The following TGFBR1 variants were observed in gnomAD, a reference collection of about 807,000 sequenced individuals.
The protein encoded by TGFBR1 is TGF-beta receptor type-1.
A neutral mutation model predicts 55.1 loss-of-function variants in TGFBR1; 20 were observed. The observed-to-expected ratio is 0.36, with a 90% CI of 0.26 to 0.53. TGFBR1 has a LOEUF of 0.53. Ranked by LOEUF, TGFBR1 falls within the 20% of genes least tolerant of loss-of-function variation. The pLI, the probability that TGFBR1 is intolerant of heterozygous loss-of-function variation, is 0.91. For missense variants in TGFBR1, 385 were observed against 617.6 expected (o/e 0.62, Z 3.99); for synonymous variants, 220 against 214.8 (o/e 1.02, Z -0.21).
chr9:99,148,021 G>A lies in TGFBR1; in HGVS notation c.1386+237G>A, dbSNP rs190340063. On this transcript the variant is annotated intron_variant, in intron 8 of 8. Transcript: ENST00000374994. ...TATCAGAACATAGTTTAGATCTGCC[G>A]GGCGAACTAAGGCACATATTTTTAA... 2.4e-4 allele frequency among the ~76,000 whole-genome samples: 36 copies of A among 152,234 alleles called. No individual in the cohort carries two copies. In the East Asian group the frequency reaches 5.6e-3, roughly 24 times the overall value.
In TGFBR1 at chr9:99,152,704, T is replaced by TTCTG. The variant is rs1828012468; in HGVS notation, c.*3400_*3403dup. Reference sequence around the variant, plus strand: ...CAACTGTTTCTTGACCATGGCAGTGTTCTGGCTCCAAATGGTAGTGATTCC... The same window carrying TTCTG: ...CAACTGTTTCTTGACCATGGCAGTGTTCTGTCTGGCTCCAAATGGTAGTGATTCC... On this transcript the variant is annotated 3_prime_UTR_variant, in exon 9 of 9. Coordinates refer to ENST00000374994, the MANE Select transcript of TGFBR1 (RefSeq NM_004612.4). The TTCTG allele has an allele frequency of 4.4e-6, 1 of 226,424 alleles. No individual in the cohort carries two copies. The highest frequency in any genetic ancestry group is 8.8e-6 in the Non-Finnish European group (1 of 113,908). The allele number at this position is 226,424 out of a possible 1,614,324, so 14.0% of individuals were successfully genotyped here.
In TGFBR1 at chr9:99,142,517, T is replaced by C; in HGVS notation, c.806-19T>C. 1.2e-6 allele frequency: 2 copies of C among 1,613,870 alleles called. No homozygotes were observed. Among genetic ancestry groups the C allele is most frequent in the Non-Finnish European group, 1.7e-6 (2 of 1,179,844 alleles). Reference sequence around the variant, plus strand: ...TAAATGGTCTGCAGCCCAACCGAAATGTTAATTCTGTTTTACAGACAATGG... The same window carrying C: ...TAAATGGTCTGCAGCCCAACCGAAACGTTAATTCTGTTTTACAGACAATGG... On this transcript the variant is annotated intron_variant, in intron 4 of 8. Transcript: ENST00000374994.
intron 1 of TGFBR1, among the ~76,000 whole-genome samples, chr9:99,124,599 AAAACTC>A (rs1312775189): frequency 6.6e-6 from 1 of 152,208 alleles, no homozygotes; most frequent in Non-Finnish European, 1.5e-5. Flanking sequence ...AATGGCAATT[AAAACTC>A]ATGTTCATGG....
At chr9:99,128,777 G>A in intron 1 of TGFBR1, 78 bp from the exon 2 acceptor site, 3 of 1,552,590 alleles carry the variant, frequency 1.9e-6, no homozygotes, top group South Asian at 2.2e-5. Flanking sequence ...GATCAAGAAT[G>A]TATTATTAGA....
intron 1 of TGFBR1, among the ~76,000 whole-genome samples, chr9:99,128,502 A>G (rs554006628): frequency 6.7e-6 from 1 of 149,828 alleles, no homozygotes; most frequent in Admixed American, 6.6e-5. Flanking sequence ...AAAAAAAAGT[A>G]TAACCATTAC....
chr9:99,130,495 A>T lies in TGFBR1; in HGVS notation c.343+1395A>T, dbSNP rs577647923. Among the ~76,000 whole-genome samples the T allele has an allele frequency of 6.0e-4, 92 of 152,392 alleles. 3 individuals carry two copies. The South Asian group carries it at 0.018, about 29-fold the overall frequency. ...ATATCTTTGTGACTTTGATGAAAGC[A>T]TCTGCAGTTATAATGTGGCAAAGAA... On this transcript the variant is annotated intron_variant, in intron 2 of 8. Transcript: ENST00000374994.
chr9:99,125,760 T>A (rs906644244), intron 1 of TGFBR1, among the ~76,000 whole-genome samples: 1 of 152,236 alleles, frequency 6.6e-6, no homozygotes, highest in African/African-American at 2.4e-5. Context: ...TGTTTATCCT[T>A]GTTTTTAGAT....
At chr9:99,118,444 T>G (rs1282953410) in intron 1 of TGFBR1, among the ~76,000 whole-genome samples, 1 of 152,216 alleles carries the variant, frequency 6.6e-6, no homozygotes, top group Non-Finnish European at 1.5e-5. Flanking sequence ...CCTACTTTTA[T>G]GCCTTTTATT....
At position 99,150,312 on chromosome 9, in the gene TGFBR1, A is replaced by G. The variant is rs1461192727; in HGVS notation, c.*1007A>G. 2.5e-5 allele frequency: 5 copies of G among 198,658 alleles called. No individual in the cohort carries two copies. Among genetic ancestry groups the G allele is most frequent in the African/African-American group, 1.2e-4 (5 of 43,426 alleles). The allele number at this position is 198,658 out of a possible 1,614,324, so 12.3% of individuals were successfully genotyped here. ...CTTATAGTACTTTAATATTTGTAGC[A>G]TACAGACTAATTTTTCTAAAAGGGA... On this transcript the variant is annotated 3_prime_UTR_variant, in exon 9 of 9. Transcript: ENST00000374994.
rs1358177031 is a variant in TGFBR1 at position 99,105,148 on chromosome 9, G to A, written c.-58G>A. On this transcript the variant is annotated 5_prime_UTR_variant, in exon 1 of 9. Transcript: ENST00000374994. ...GAGGTGGGGCGAGGCGAGGTTTGCT[G>A]GGGTGAGGCAGCGGCGCGGCCGGGC... The A allele has an allele frequency of 3.7e-6, 4 of 1,079,376 alleles. No homozygotes were observed. Among genetic ancestry groups the A allele is most frequent in the Non-Finnish European group, 3.4e-6 (3 of 889,210 alleles). The allele number at this position is 1,079,376 out of a possible 1,614,324, so 66.9% of individuals were successfully genotyped here. A position where few individuals can be genotyped will look rare whatever the true frequency, so the allele number is the denominator to read the frequency against.
intron 4 of TGFBR1, among the ~76,000 whole-genome samples, chr9:99,140,315 C>T (rs1488460190): frequency 6.6e-6 from 1 of 152,072 alleles, no homozygotes; most frequent in South Asian, 2.1e-4. Context: ...ATTAGCCAGG[C>T]ATGATGGCAG....
chr9:99,106,084 C>G (rs925820329), intron 1 of TGFBR1, among the ~76,000 whole-genome samples: 2 of 152,230 alleles, frequency 1.3e-5, no homozygotes, highest in African/African-American at 4.8e-5. Flanking sequence ...GAAACTTGAA[C>G]GTTTGCTCAT....
chr9:99,128,107 T>A (rs1169193834), intron 1 of TGFBR1: 34 of 431,166 alleles, frequency 7.9e-5, no homozygotes, highest in Non-Finnish European at 1.9e-5. Flanking sequence ...AAGGCTTCCC[T>A]AAAGAGGTCA....
chr9:99,147,407 T>G (rs529475038), intron 7 of TGFBR1, among the ~76,000 whole-genome samples: 24 of 152,304 alleles, frequency 1.6e-4, no homozygotes, highest in African/African-American at 5.8e-4. Context: ...GCTCATAGTT[T>G]ACTGTCATTT....
intron 1 of TGFBR1, among the ~76,000 whole-genome samples, chr9:99,106,348 A>G (rs917061494): frequency 2.6e-5 from 4 of 152,236 alleles, no homozygotes; most frequent in Non-Finnish European, 4.4e-5. Flanking sequence ...GAGACACTAG[A>G]AGCTAAAATA....
At chr9:99,141,567 A>G (rs899033257) in intron 4 of TGFBR1, among the ~76,000 whole-genome samples, 10 of 152,200 alleles carry the variant, frequency 6.6e-5, no homozygotes, top group African/African-American at 2.2e-4. Flanking sequence ...ATTCTTGTAT[A>G]AAAGGAGAAA....
At chr9:99,109,692 T>C (rs1381805248) in intron 1 of TGFBR1, among the ~76,000 whole-genome samples, 1 of 152,262 alleles carries the variant, frequency 6.6e-6, no homozygotes, top group Non-Finnish European at 1.5e-5. Context: ...TTTGCAGTTC[T>C]TCCTTGGTCA....
intron 3 of TGFBR1, among the ~76,000 whole-genome samples, chr9:99,134,853 T>TATATATATATATATATATATA (rs1827384418): frequency 1.7e-5 from 2 of 117,862 alleles, no homozygotes; most frequent in Non-Finnish European, 3.6e-5. Context: ...TATATATATA[T>TATATATATATATATATATATA]TTCTAGATCC....
At position 99,106,458 on chromosome 9, in the gene TGFBR1, CGGT is replaced by C. The variant is rs201398985; in HGVS notation, c.97+1158_97+1160del. On this transcript the variant is annotated intron_variant, in intron 1 of 8. Coordinates refer to ENST00000374994, the MANE Select transcript of TGFBR1 (RefSeq NM_004612.4). The stretch of plus-strand genomic sequence containing the variant: ...AATTTTTTTAAAAAATCAAGACTGA[CGGT>C]GACGATTATAATCAGTCCTAATAGC... 4.4e-3 allele frequency among the ~76,000 whole-genome samples: 668 copies of C among 152,286 alleles called. 1 individual carries two copies. Among genetic ancestry groups the C allele is most frequent in the Non-Finnish European group, 6.3e-3 (429 of 68,018 alleles).
Sources: allele counts gnomAD v4.1 joint callset (sites outside exome capture counted in the v4.1 genomes callset), GRCh38; gene constraint gnomAD v4.1.1; transcripts MANE v1.5; gene names NCBI Gene and HGNC (gene_info 2026-07-23, HGNC 2026-07-21).